Variants in NALF1 observed in about 807,000 individuals in gnomAD.
NALF1 encodes the protein family with sequence similarity 155 member A.
Under a neutral mutation model 48.4 loss-of-function variants are expected in NALF1, and 3 were observed. The observed-to-expected ratio is 0.06, with a 90% confidence interval of 0.03 to 0.16. The LOEUF (loss-of-function observed/expected upper bound fraction) is 0.16. Among genes scored for constraint, NALF1 ranks in the 10% least tolerant of loss-of-function variants. The pLI is 1.00. For missense variants in NALF1, 526 were observed against 571.5 expected (o/e 0.92, Z 0.81); for synonymous variants, 262 against 245.7 (o/e 1.07, Z -0.62).
chr13:107,462,813 C>T (rs1045999404), intron 1 of NALF1, among the ~76,000 whole-genome samples: 15 of 152,198 alleles, frequency 9.9e-5, no homozygotes, highest in Admixed American at 6.5e-5. Flanking sequence ...CACTGGGAGA[C>T]GGTAACTGGA....
At chr13:107,245,216 A>T (rs2893290) in intron 1 of NALF1, among the ~76,000 whole-genome samples, 21,335 of 152,168 alleles carry the variant, frequency 0.14, 1,961 homozygotes, top group East Asian at 0.4. Flanking sequence ...TTATTTAATG[A>T]TAATATAATG....
At chr13:107,550,253 G>A (rs966610902) in intron 1 of NALF1, among the ~76,000 whole-genome samples, 1 of 151,996 alleles carries the variant, frequency 6.6e-6, no homozygotes, top group Non-Finnish European at 1.5e-5. Flanking sequence ...TTCAGCTCCA[G>A]AGCTCACCTC....
intron 1 of NALF1, among the ~76,000 whole-genome samples, chr13:107,452,773 C>T (rs1254554510): frequency 3.3e-5 from 5 of 152,134 alleles, no homozygotes; most frequent in African/African-American, 1.2e-4. Context: ...AGACCATAAG[C>T]CTTCTGCCTA....
intron 1 of NALF1, among the ~76,000 whole-genome samples, chr13:107,681,604 G>T (rs1881305954): frequency 1.3e-5 from 2 of 152,184 alleles, no homozygotes; most frequent in Admixed American, 6.5e-5. Flanking sequence ...GAGCTGGGGA[G>T]ACTTAGTCAG....
chr13:107,248,807 G>T (rs1880636257), intron 1 of NALF1, among the ~76,000 whole-genome samples: 1 of 150,810 alleles, frequency 6.6e-6, no homozygotes, highest in South Asian at 2.1e-4. Context: ...TATGGATTAA[G>T]GTACAGCCTT....
At chr13:107,584,350 A>G (rs1042027154) in intron 1 of NALF1, among the ~76,000 whole-genome samples, 24 of 152,176 alleles carry the variant, frequency 1.6e-4, no homozygotes, top group African/African-American at 5.8e-4. Flanking sequence ...AGGTCCTTCC[A>G]GGGTGAAATA....
At chr13:107,194,091 C>A (rs980083667) in intron 2 of NALF1, among the ~76,000 whole-genome samples, 3 of 151,516 alleles carry the variant, frequency 2.0e-5, no homozygotes, top group African/African-American at 7.3e-5. Flanking sequence ...GAATAATATA[C>A]CTTGATGTTT....
chr13:107,485,782 C>A (rs1885319551), intron 1 of NALF1, among the ~76,000 whole-genome samples: 1 of 152,136 alleles, frequency 6.6e-6, no homozygotes, highest in Non-Finnish European at 1.5e-5. Context: ...TAACCAAAAT[C>A]AAAAATCTTT....
intron 1 of NALF1, among the ~76,000 whole-genome samples, chr13:107,606,673 A>G (rs1879080731): frequency 6.6e-6 from 1 of 152,110 alleles, no homozygotes; most frequent in Non-Finnish European, 1.5e-5. Context: ...GCACCTTAAC[A>G]TCTCTTGAGA....
At chr13:107,554,029 C>T (rs1877378395) in intron 1 of NALF1, among the ~76,000 whole-genome samples, 1 of 152,210 alleles carries the variant, frequency 6.6e-6, no homozygotes, top group African/African-American at 2.4e-5. Flanking sequence ...GCTATCCAGC[C>T]CTGAGAGCCT....
intron 1 of NALF1, among the ~76,000 whole-genome samples, chr13:107,387,899 T>C (rs1883557107): frequency 6.6e-6 from 1 of 152,242 alleles, no homozygotes; most frequent in African/African-American, 2.4e-5. Flanking sequence ...TTTCTTAGCA[T>C]AGCTGGTCTC....
At chr13:107,484,225 C>T (rs933871105) in intron 1 of NALF1, among the ~76,000 whole-genome samples, 1 of 151,962 alleles carries the variant, frequency 6.6e-6, no homozygotes, top group African/African-American at 2.4e-5. Flanking sequence ...TGCAGTAATT[C>T]TAAAAAAAGT....
At chr13:107,172,108 A>G (rs886633975) in intron 2 of NALF1, among the ~76,000 whole-genome samples, 1 of 152,184 alleles carries the variant, frequency 6.6e-6, no homozygotes, top group Non-Finnish European at 1.5e-5. Flanking sequence ...ATCACTCGCC[A>G]AGCTACTGTT....
chr13:107,489,027 A>G (rs960042571), intron 1 of NALF1, among the ~76,000 whole-genome samples: 1 of 152,140 alleles, frequency 6.6e-6, no homozygotes, highest in African/African-American at 2.4e-5. Context: ...TTACAGTTGC[A>G]ACAAAAATAA....
In NALF1 at chr13:107,203,930, A is replaced by AGGCAGAGGGG. The variant is rs1300655083; in HGVS notation, c.1087+6644_1087+6653dup. On this transcript the variant is annotated intron_variant, in intron 2 of 2. Coordinates refer to ENST00000375915, the MANE Select transcript of NALF1 (RefSeq NM_001080396.3). ...CCTGCCCAGTTGTCAGCATGCCTGG[A>AGGCAGAGGGG]GGCAGAGGGGGGCAGAGGGAGGCAG... Among the ~76,000 whole-genome samples, 10 of 152,288 alleles carry AGGCAGAGGGG rather than the reference A, an allele frequency of 6.6e-5. No homozygotes were observed. The East Asian group carries it at 1.7e-3, about 26-fold the overall frequency.
At chr13:107,361,552 G>A (rs9559025) in intron 1 of NALF1, among the ~76,000 whole-genome samples, 32,119 of 152,076 alleles carry the variant, frequency 0.21, 5,394 homozygotes, top group African/African-American at 0.46. Flanking sequence ...GAAAAAAAGT[G>A]AGGGAGTTAA....
chr13:107,548,929 A>T (rs1877211989), intron 1 of NALF1, among the ~76,000 whole-genome samples: 1 of 152,182 alleles, frequency 6.6e-6, no homozygotes, highest in Non-Finnish European at 1.5e-5. Flanking sequence ...TTTCTGGGTG[A>T]GAAATGTAAT....
Position 107,866,214 on chromosome 13 carries a change from G to A in NALF1, c.383C>T (p.Ser128Phe). ...QAHRLLSASS[S>F]PTLPPSPGDG... ...TCCCGGGGAGGGGGGCAGGGTGGGGGACGAGGAGGCGGAGAGGAGTCTGTG... is the reference window on the plus strand; with the variant it reads ...TCCCGGGGAGGGGGGCAGGGTGGGGAACGAGGAGGCGGAGAGGAGTCTGTG... The change falls in exon 1 of 3, where the codon TCC becomes TTC. Residue 128 changes from serine to phenylalanine, a missense_variant. Physicochemically the swap from Ser to Phe is radical, Grantham distance 155. Transcript: ENST00000375915. This position sits in a 1 kb window ranked among gnomAD's most constrained non-coding sequence, Gnocchi z 4.4. 1.3e-6 allele frequency: 2 copies of A among 1,598,166 alleles called. No individual in the cohort carries two copies. Among genetic ancestry groups the A allele is most frequent in the South Asian group, 1.1e-5 (1 of 89,126 alleles).
At chr13:107,312,182 A>G (rs6492043) in intron 1 of NALF1, among the ~76,000 whole-genome samples, 37 of 152,092 alleles carry the variant, frequency 2.4e-4, no homozygotes, top group African/African-American at 8.7e-4. Context: ...CAAATGTCCA[A>G]CAATGATAGA....
Sources: gnomAD v4.1 joint callset for allele counts (sites outside exome capture counted in the v4.1 genomes callset) on GRCh38, gnomAD v4.1.1 for gene constraint, Gnocchi (gnomAD v3.1) non-coding constraint, MANE v1.5 for transcripts, NCBI Gene and HGNC (gene_info 2026-07-23, HGNC 2026-07-21) for gene names.